PLXNC1: variants seen among roughly 807,000 people sequenced by gnomAD.
PLXNC1 encodes the protein plexin C1.
Under a neutral mutation model 178.2 loss-of-function variants are expected in PLXNC1, and 75 were observed. The ratio of observed to expected loss-of-function variants is 0.42; its 90% confidence interval spans 0.35 to 0.51. The LOEUF (loss-of-function observed/expected upper bound fraction) is 0.51, where lower values mean the gene tolerates loss of function less well. Ranked by LOEUF, PLXNC1 falls within the 20% of genes least tolerant of loss-of-function variation. PLXNC1 has a pLI of 0.02. For missense variants in PLXNC1, 1,503 were observed against 1,984.4 expected, an observed-to-expected ratio of 0.76 and a Z score of 4.61; for synonymous variants, 790 against 779.9, an observed-to-expected ratio of 1.01 and a Z score of -0.22.
chr12:94,196,157 C>A (rs1157047841), intron 4 of PLXNC1, among the ~76,000 whole-genome samples: 1 of 152,190 alleles, frequency 6.6e-6, no homozygotes, highest in African/African-American at 2.4e-5. Context: ...GTTCTGTCAT[C>A]ATGAGAGGTG....
chr12:94,303,708 TTTTTA>T, intron 28 of PLXNC1, 43 bp from the exon 29 acceptor site: 1 of 1,169,552 alleles, frequency 8.6e-7, no homozygotes, highest in African/African-American at 1.6e-5. Flanking sequence ...TTTTTTTTTT[TTTTTA>T]CTCTTTTGGT....
At chr12:94,164,091 G>C (rs1961497863) in intron 1 of PLXNC1, among the ~76,000 whole-genome samples, 1 of 152,176 alleles carries the variant, frequency 6.6e-6, no homozygotes, top group African/African-American at 2.4e-5. Flanking sequence ...ATAAGGCACA[G>C]AGCAGGGGCC....
intron 21 of PLXNC1, chr12:94,272,320 T>C (rs1007391448): frequency 3.9e-5 from 6 of 152,258 alleles, no homozygotes; most frequent in African/African-American, 1.2e-4. Flanking sequence ...GTCCTCATAT[T>C]CTAAGTGTCT....
chr12:94,204,455 G>T (rs545413657), intron 4 of PLXNC1, among the ~76,000 whole-genome samples: 1 of 152,178 alleles, frequency 6.6e-6, no homozygotes, highest in Admixed American at 6.5e-5. Flanking sequence ...TCTTTTAATT[G>T]TCTCTGTTAT....
chr12:94,198,172 T>C lies in PLXNC1; in HGVS notation c.1440-11418T>C, dbSNP rs1355016965. Among the ~76,000 whole-genome samples the C allele has an allele frequency of 3.3e-5, 5 of 152,272 alleles. No individual in the cohort carries two copies. The East Asian group carries it at 9.7e-4, about 29-fold the overall frequency. ...CTGGATAAAGAAAATGTGGTACATA[T>C]GTGCCATGGAATGAAAAGGAATGAG... On this transcript the variant is annotated intron_variant, in intron 4 of 30. Transcript: ENST00000258526.
At chr12:94,163,721 G>A (rs941576476) in intron 1 of PLXNC1, among the ~76,000 whole-genome samples, 9 of 152,154 alleles carry the variant, frequency 5.9e-5, no homozygotes, top group African/African-American at 2.2e-4. Context: ...GCCCAGCTGT[G>A]TCCCTAAGCA....
At chr12:94,261,918 C>T (rs1368873954) in intron 20 of PLXNC1, among the ~76,000 whole-genome samples, 2 of 152,160 alleles carry the variant, frequency 1.3e-5, no homozygotes, top group East Asian at 1.9e-4. Context: ...TAAGGCAATA[C>T]CCATTTATTA....
intron 1 of PLXNC1, among the ~76,000 whole-genome samples, chr12:94,152,669 A>G (rs1260231984): frequency 6.6e-6 from 1 of 152,256 alleles, no homozygotes; most frequent in African/African-American, 2.4e-5. Context: ...TAATTTTAAC[A>G]GTAATCCACA....
At position 94,298,624 on chromosome 12, in the gene PLXNC1, T is replaced by C; in HGVS notation, c.4075-8T>C. On this transcript the variant is annotated splice_polypyrimidine_tract_variant and splice_region_variant and intron_variant, in intron 26 of 30. Transcript: ENST00000258526. ...AATCTCCCAAATCTGATGTTGTCTA[T>C]CTTTCAGGTGGCAATTCATTCTGTG... 6.3e-7 allele frequency: 1 copy of C among 1,581,196 alleles called. No individual in the cohort carries two copies. Among genetic ancestry groups the C allele is most frequent in the Non-Finnish European group, 8.6e-7 (1 of 1,168,800 alleles).
intron 9 of PLXNC1, among the ~76,000 whole-genome samples, chr12:94,229,296 G>C (rs1381612746): frequency 6.6e-6 from 1 of 152,048 alleles, no homozygotes; most frequent in African/African-American, 2.4e-5. Flanking sequence ...TATGTATTCT[G>C]GGTATCAACC....
chr12:94,273,806 C>A (rs531307878), intron 21 of PLXNC1, among the ~76,000 whole-genome samples: 52 of 152,250 alleles, frequency 3.4e-4, no homozygotes, highest in Middle Eastern at 6.8e-3. Flanking sequence ...TTGGCACATG[C>A]AGCTATAAGT....
intron 21 of PLXNC1, among the ~76,000 whole-genome samples, chr12:94,277,598 G>A (rs1396244977): frequency 2.0e-5 from 3 of 152,110 alleles, no homozygotes; most frequent in African/African-American, 4.8e-5. Flanking sequence ...GCTGGCTTGC[G>A]GTGGACTGGG....
chr12:94,195,525 G>A (rs369260056), intron 4 of PLXNC1, among the ~76,000 whole-genome samples: 12 of 152,096 alleles, frequency 7.9e-5, no homozygotes, highest in African/African-American at 1.9e-4. Flanking sequence ...CCAACACTTC[G>A]TGCTCCACCC....
chr12:94,207,881 C>G (rs533219047), intron 4 of PLXNC1, among the ~76,000 whole-genome samples: 53 of 151,980 alleles, frequency 3.5e-4, no homozygotes, highest in South Asian at 1.5e-3. Context: ...GCATTAAGAG[C>G]CAACAAAAAT....
chr12:94,277,708 A>G (rs1966081238), intron 21 of PLXNC1: 2 of 343,532 alleles, frequency 5.8e-6, no homozygotes, highest in South Asian at 2.2e-5. Context: ...TAGCTGTCCA[A>G]TGTGGGCTGA....
chr12:94,235,695 C>G (rs1049032110), intron 9 of PLXNC1, among the ~76,000 whole-genome samples: 1 of 152,240 alleles, frequency 6.6e-6, no homozygotes, highest in Non-Finnish European at 1.5e-5. Flanking sequence ...CACTCGACTG[C>G]TGCAGTGCAA....
At chr12:94,259,428 G>T (rs1356693122) in intron 18 of PLXNC1, 53 bp downstream of exon 18, 3 of 1,363,768 alleles carry the variant, frequency 2.2e-6, no homozygotes, top group Non-Finnish European at 3.1e-6. Flanking sequence ...TGTTCATAGT[G>T]TTATCATCAT....
chr12:94,233,079 G>A (rs1033277648), intron 9 of PLXNC1, among the ~76,000 whole-genome samples: 1 of 152,184 alleles, frequency 6.6e-6, no homozygotes, highest in Non-Finnish European at 1.5e-5. Context: ...TGCCACACAT[G>A]TAGGGTGGGA....
intron 1 of PLXNC1, among the ~76,000 whole-genome samples, chr12:94,156,307 C>T (rs1044852860): frequency 2.6e-5 from 4 of 152,160 alleles, no homozygotes; most frequent in African/African-American, 9.7e-5. Context: ...TAAAGGAGCT[C>T]AGTCAGCATC....
Sources: allele counts gnomAD v4.1 joint callset (sites outside exome capture counted in the v4.1 genomes callset), GRCh38; gene constraint gnomAD v4.1.1; transcripts MANE v1.5; gene names NCBI Gene and HGNC (gene_info 2026-07-23, HGNC 2026-07-21).